TRPC5: variants seen among roughly 807,000 people sequenced by gnomAD.
The protein encoded by TRPC5 is transient receptor potential cation channel subfamily C member 5.
Under a neutral mutation model 56.5 loss-of-function variants are expected in TRPC5, and 9 were observed. That is an observed-to-expected ratio of 0.16 (90% CI 0.10 to 0.28). The LOEUF is 0.28. TRPC5 is among the 10% of genes least tolerant of loss of function. The pLI is 1.00. For synonymous variants in TRPC5, 282 were observed against 278.5 expected (o/e 1.01, Z -0.13); for missense variants, 469 against 748.9 (o/e 0.63, Z 4.36).
rs1369295055 is a variant in TRPC5, at chrX:111,775,174, T to C, written c.*1139A>G. The C allele has an allele frequency of 8.9e-6, 1 of 111,913 alleles. No individual in the cohort carries two copies. 9.2% of individuals were successfully genotyped at this position (111,913 alleles called of 1,213,427 possible). On this transcript the variant is annotated 3_prime_UTR_variant, in exon 11 of 11. Coordinates refer to ENST00000262839, the MANE Select transcript of TRPC5 (RefSeq NM_012471.3). The stretch of plus-strand genomic sequence containing the variant: ...TGAATCCACTAGGGTTGTTATGATA[T>C]ATATCTAACATAATTTACACATGCA...
At chrX:111,887,071 A>G (rs888480272) in intron 3 of TRPC5, among the ~76,000 whole-genome samples, 3 of 112,633 alleles carry the variant, frequency 2.7e-5, no homozygotes, top group South Asian at 3.6e-4. Context: ...AAAGCTTTCA[A>G]CATGGGCAGT....
At chrX:111,994,949 C>T (rs1928479314) in intron 1 of TRPC5, among the ~76,000 whole-genome samples, 1 of 111,561 alleles carries the variant, frequency 9.0e-6, no homozygotes, top group Admixed American at 9.5e-5. Context: ...AATTGAATAC[C>T]CTTTATTTCT....
At chrX:112,047,699 A>T (rs762632570) in intron 1 of TRPC5, among the ~76,000 whole-genome samples, 14 of 112,188 alleles carry the variant, frequency 1.2e-4, no homozygotes, top group Non-Finnish European at 2.6e-4. Flanking sequence ...TATTTATTCC[A>T]TATCAGCAAG....
At chrX:111,852,184 T>A (rs1923103924) in intron 5 of TRPC5, 114 bp downstream of exon 5, 6 of 704,859 alleles carry the variant, frequency 8.5e-6, no homozygotes, top group Non-Finnish European at 1.3e-5. Context: ...ATTTCCCACA[T>A]GGATTGAGCC....
intron 1 of TRPC5, among the ~76,000 whole-genome samples, chrX:112,028,016 T>A (rs1328864654): frequency 8.9e-6 from 1 of 112,245 alleles, no homozygotes. Context: ...ACTTAAATCA[T>A]CCTAGCATTA....
At chrX:111,855,491 A>G (rs999843881) in intron 3 of TRPC5, among the ~76,000 whole-genome samples, 1 of 111,847 alleles carries the variant, frequency 8.9e-6, no homozygotes, top group Non-Finnish European at 1.9e-5. Context: ...GAATAAGAAT[A>G]CCTGTTTTGG....
intron 1 of TRPC5, among the ~76,000 whole-genome samples, chrX:112,038,951 A>C (rs1929826199): frequency 9.3e-6 from 1 of 107,515 alleles, no homozygotes; most frequent in Non-Finnish European, 1.9e-5. Flanking sequence ...TGGCTTCCCA[A>C]AGTGCTGGGA....
intron 1 of TRPC5, among the ~76,000 whole-genome samples, chrX:111,997,870 T>C (rs938942227): frequency 9.0e-6 from 1 of 110,907 alleles, no homozygotes; most frequent in African/African-American, 3.3e-5. Flanking sequence ...TCTACACTGT[T>C]TATTCTAGTT....
intron 6 of TRPC5, among the ~76,000 whole-genome samples, chrX:111,839,906 C>A (rs1351877113): frequency 2.7e-5 from 3 of 111,116 alleles, no homozygotes; most frequent in Non-Finnish European, 5.7e-5. Context: ...TGCGGTGGCT[C>A]ACACCTACAA....
At chrX:111,989,794 T>C (rs1928305216) in intron 1 of TRPC5, among the ~76,000 whole-genome samples, 1 of 112,233 alleles carries the variant, frequency 8.9e-6, no homozygotes, top group South Asian at 3.7e-4. Context: ...CTCAAAACGA[T>C]GAATGAAGAA....
intron 7 of TRPC5, among the ~76,000 whole-genome samples, chrX:111,802,335 A>G (rs927416036): frequency 7.2e-5 from 8 of 111,480 alleles, no homozygotes; most frequent in Non-Finnish European, 1.5e-4. Context: ...TCAAGATTAT[A>G]TTGGTTCTTT....
At position 111,996,471 on chromosome X, in the gene TRPC5, G is replaced by A. The variant is rs185906617; in HGVS notation, c.-21-44030C>T. Among the ~76,000 whole-genome samples, 6 of 112,024 alleles carry A rather than the reference G, an allele frequency of 5.4e-5. 1 individual carries two copies. In the Admixed American group the frequency reaches 5.7e-4, roughly 11 times the overall value. ...AGAATGTATATTCTGTTGATTTGGG[G>A]TGGAGAGTTCTGTAGATTTCTGTTA... On this transcript the variant is annotated intron_variant, in intron 1 of 10. Transcript: ENST00000262839.
At chrX:111,895,067 G>A (rs1477088477) in intron 3 of TRPC5, among the ~76,000 whole-genome samples, 1 of 111,580 alleles carries the variant, frequency 9.0e-6, no homozygotes, top group African/African-American at 3.3e-5. Context: ...AGCATTCCAG[G>A]GTCATGTGAT....
At chrX:112,012,623 CTG>C (rs757475752) in intron 1 of TRPC5, among the ~76,000 whole-genome samples, 4 of 111,217 alleles carry the variant, frequency 3.6e-5, no homozygotes, top group Admixed American at 2.9e-4. Context: ...ACAGATGAGT[CTG>C]TGGCTTAGAG....
intron 3 of TRPC5, among the ~76,000 whole-genome samples, chrX:111,908,791 C>A (rs1048952230): frequency 8.9e-6 from 1 of 111,742 alleles, no homozygotes; most frequent in Non-Finnish European, 1.9e-5. Flanking sequence ...TGCTGAATAT[C>A]CATAATATTG....
At chrX:111,833,849 G>A (rs969039430) in intron 7 of TRPC5, among the ~76,000 whole-genome samples, 1 of 111,174 alleles carries the variant, frequency 9.0e-6, no homozygotes, top group African/African-American at 3.3e-5. Context: ...CTCCTCAGTG[G>A]CAAACCAAAT....
chrX:112,038,847 A>ATTTTTTTTTTTTTT (rs750713100), intron 1 of TRPC5, among the ~76,000 whole-genome samples: 1 of 88,275 alleles, frequency 1.1e-5, no homozygotes, highest in Non-Finnish European at 2.2e-5. Flanking sequence ...ATGCCCGGCT[A>ATTTTTTTTTTTTTT]TTTTTTTTTT....
At chrX:111,886,576 G>GC (rs1924508809) in intron 3 of TRPC5, among the ~76,000 whole-genome samples, 1 of 111,728 alleles carries the variant, frequency 9.0e-6, no homozygotes, top group African/African-American at 3.3e-5. Flanking sequence ...ACTCGATTTG[G>GC]CGTGATCTTG....
chrX:111,905,166 A>AT (rs370766291), intron 3 of TRPC5, among the ~76,000 whole-genome samples: 87 of 106,788 alleles, frequency 8.1e-4, no homozygotes, highest in African/African-American at 1.4e-3. Context: ...GATTTTTATG[A>AT]TTTTTTTTTT....
Sources: allele counts gnomAD v4.1 joint callset (sites outside exome capture counted in the v4.1 genomes callset), GRCh38; gene constraint gnomAD v4.1.1; transcripts MANE v1.5; gene names NCBI Gene and HGNC (gene_info 2026-07-23, HGNC 2026-07-21).